Variants in CCDC14 observed in about 807,000 individuals in gnomAD.
The protein encoded by CCDC14 is coiled-coil domain containing 14, also known as coiled-coil domain-containing protein 14.
A neutral mutation model predicts 81.4 loss-of-function variants in CCDC14; 71 were observed. That is an observed-to-expected ratio of 0.87 (90% CI 0.72 to 1.06). The LOEUF is 1.06. CCDC14 is among the 50% of genes least tolerant of loss of function. The pLI, the probability that CCDC14 is intolerant of heterozygous loss-of-function variation, is 0.00. For missense variants in CCDC14, 1,046 were observed against 1,047.3 expected (o/e 1.00, Z 0.02); for synonymous variants, 332 against 364.8 (o/e 0.91, Z 1.03).
intron 8 of CCDC14, 132 bp downstream of exon 8, chr3:123,946,671 A>T: frequency 1.1e-6 from 1 of 870,954 alleles, no homozygotes; most frequent in Admixed American, 2.6e-5. Context: ...AATAAGTAGA[A>T]CTCATTTTCT....
At chr3:123,885,920 C>T in the CCDC14 span, among the ~76,000 whole-genome samples, 6 of 152,148 alleles carry the variant, frequency 3.9e-5, no homozygotes, top group South Asian at 4.1e-4. Flanking sequence ...AGGAAAGGCA[C>T]GATGAATACC....
chr3:123,941,302 A>T (rs1024247669), intron 9 of CCDC14, among the ~76,000 whole-genome samples: 3 of 152,046 alleles, frequency 2.0e-5, no homozygotes, highest in Non-Finnish European at 2.9e-5. Flanking sequence ...CTAAATGCCA[A>T]AAATGCCAAA....
chr3:123,923,125 C>T (rs951872769), intron 12 of CCDC14, among the ~76,000 whole-genome samples: 6 of 152,052 alleles, frequency 3.9e-5, no homozygotes, highest in Admixed American at 1.3e-4. Flanking sequence ...GATGGTTCAA[C>T]GTATAAAACC....
chr3:123,929,812 T>C (rs759845226), intron 12 of CCDC14, among the ~76,000 whole-genome samples: 2 of 152,352 alleles, frequency 1.3e-5, no homozygotes, highest in South Asian at 2.1e-4. Context: ...TGTGTCTCTG[T>C]GAATCTGCCT....
chr3:123,919,213 T>C (rs998170303), intron 12 of CCDC14, among the ~76,000 whole-genome samples: 4 of 151,946 alleles, frequency 2.6e-5, no homozygotes, highest in African/African-American at 9.7e-5. Context: ...TATAGTTTCC[T>C]GAGGCCAGGA....
At chr3:123,934,519 G>C (rs2035951199) in intron 9 of CCDC14, among the ~76,000 whole-genome samples, 1 of 152,046 alleles carries the variant, frequency 6.6e-6, no homozygotes, top group African/African-American at 2.4e-5. Context: ...CCTGATGTTT[G>C]TCATATGCTG....
Position 123,956,432 on chromosome 3 carries a change from A to T in CCDC14, c.87-5T>A. 6.5e-7 allele frequency: 1 copy of T among 1,532,136 alleles called. No individual in the cohort carries two copies. Among genetic ancestry groups the T allele is most frequent in the Non-Finnish European group, 8.8e-7 (1 of 1,133,144 alleles). 94.9% of individuals were successfully genotyped at this position (1,532,136 alleles called of 1,614,324 possible). On this transcript the variant is annotated splice_region_variant and splice_polypyrimidine_tract_variant and intron_variant, in intron 2 of 12. Coordinates refer to ENST00000409697, the MANE Select transcript of CCDC14 (RefSeq NM_001366335.1). Reference sequence around the variant, plus strand: ...GGTATTTTTCTTAAATAGGTCCTGGAAAACAAGCTTATTAATATTCTTACA... The same window carrying T: ...GGTATTTTTCTTAAATAGGTCCTGGTAAACAAGCTTATTAATATTCTTACA...
chr3:123,922,149 A>G (rs1204646073), intron 12 of CCDC14, among the ~76,000 whole-genome samples: 1 of 152,224 alleles, frequency 6.6e-6, no homozygotes, highest in Non-Finnish European at 1.5e-5. Flanking sequence ...AGAAATTAAA[A>G]GGGTAATAAA....
intron 12 of CCDC14, among the ~76,000 whole-genome samples, chr3:123,916,474 G>T (rs887743920): frequency 6.8e-6 from 1 of 146,490 alleles, no homozygotes; most frequent in African/African-American, 2.7e-5. Context: ...GTGTTTGTGT[G>T]TGTGTGTGTG....
At chr3:123,919,055 G>C (rs940258279) in intron 12 of CCDC14, among the ~76,000 whole-genome samples, 51 of 152,052 alleles carry the variant, frequency 3.4e-4, no homozygotes, top group Non-Finnish European at 8.8e-5. Context: ...TAAGAACTGA[G>C]AGGGCGAGCG....
At chr3:123,885,726 A>G in the CCDC14 span, among the ~76,000 whole-genome samples, 2 of 152,282 alleles carry the variant, frequency 1.3e-5, no homozygotes, top group East Asian at 1.9e-4. Flanking sequence ...CAAGAGGTAC[A>G]TGATCATGAT....
downstream of CCDC14, among the ~76,000 whole-genome samples, chr3:123,911,238 T>TGG (rs1454945646): frequency 6.6e-6 from 1 of 152,188 alleles, no homozygotes. Context: ...GGTAATTCTA[T>TGG]GGGAGGGTTA....
At chr3:123,909,312 T>A (rs974831734), downstream of CCDC14, among the ~76,000 whole-genome samples, 8 of 152,168 alleles carry the variant, frequency 5.3e-5, no homozygotes, top group Non-Finnish European at 1.2e-4. Context: ...TCCTCTTGGA[T>A]AGTTGGTGTT....
At chr3:123,925,184 G>T (rs2035291820) in intron 12 of CCDC14, among the ~76,000 whole-genome samples, 1 of 151,196 alleles carries the variant, frequency 6.6e-6, no homozygotes, top group Non-Finnish European at 1.5e-5. Context: ...CAACATGAAT[G>T]AACCTGGAGG....
rs556527303 is a variant in CCDC14, at chr3:123,921,669, C to A, written c.1779-5951G>T. Among the ~76,000 whole-genome samples, 15 of 152,256 alleles carry A rather than the reference C, an allele frequency of 9.9e-5. No homozygotes were observed. The East Asian group carries it at 2.7e-3, about 27-fold the overall frequency. ...AGACCAGGGGTGTCCAAGCTTTTGGCCTCCCTGGGCCACACTGGAAGAATT... is the reference window on the plus strand; with the variant it reads ...AGACCAGGGGTGTCCAAGCTTTTGGACTCCCTGGGCCACACTGGAAGAATT... On this transcript the variant is annotated intron_variant, in intron 12 of 12. Transcript: ENST00000409697.
intron 1 of CCDC14, 86 bp downstream of exon 1, chr3:123,961,058 G>C: frequency 2.5e-6 from 3 of 1,183,028 alleles, no homozygotes; most frequent in Non-Finnish European, 3.5e-6. Flanking sequence ...GTCTTTTTTC[G>C]AGCAGAGTTT....
At chr3:123,899,736 C>A (rs2034142227) in intron 5 of CCDC14, among the ~76,000 whole-genome samples, 1 of 152,204 alleles carries the variant, frequency 6.6e-6, no homozygotes, top group African/African-American at 2.4e-5. Context: ...GAATGATTTT[C>A]TTCAACATAA....
chr3:123,889,805 C>T, the CCDC14 span, among the ~76,000 whole-genome samples: 1 of 152,350 alleles, frequency 6.6e-6, no homozygotes, highest in Middle Eastern at 3.4e-3. Flanking sequence ...CCACACAAAC[C>T]TAGTGGAGGT....
intron 9 of CCDC14, 114 bp from the exon 10 acceptor site, chr3:123,933,869 C>T: frequency 1.6e-6 from 1 of 640,070 alleles, no homozygotes; most frequent in Non-Finnish European, 2.7e-6. Flanking sequence ...AGCAGAAGTC[C>T]ATCTCATCCC....
Sources: allele counts gnomAD v4.1 joint callset (sites outside exome capture counted in the v4.1 genomes callset), GRCh38; gene constraint gnomAD v4.1.1; transcripts MANE v1.5; gene names NCBI Gene and HGNC (gene_info 2026-07-23, HGNC 2026-07-21).